PPP1R12C: variants seen among roughly 807,000 people sequenced by gnomAD.
PPP1R12C encodes protein phosphatase 1 regulatory subunit 12C.
In PPP1R12C, 48 loss-of-function variants were observed where a neutral mutation model predicts 95.6. The observed-to-expected ratio is 0.50, with a 90% CI of 0.40 to 0.64. The LOEUF (loss-of-function observed/expected upper bound fraction) is 0.64, where lower values mean the gene tolerates loss of function less well. PPP1R12C is among the 30% of genes least tolerant of loss of function. The pLI, the probability that PPP1R12C is intolerant of heterozygous loss-of-function variation, is 0.00. For missense variants in PPP1R12C, 1,057 were observed against 1,083.3 expected, an observed-to-expected ratio of 0.98 and a Z score of 0.34; for synonymous variants, 480 against 460.8, an observed-to-expected ratio of 1.04 and a Z score of -0.53.
At chr19:55,110,803 G>A (rs1244918842) in intron 3 of PPP1R12C, among the ~76,000 whole-genome samples, 5 of 151,768 alleles carry the variant, frequency 3.3e-5, no homozygotes, top group Non-Finnish European at 2.9e-5. Context: ...CCCAGGAGGT[G>A]GAGGTTGCAG....
chr19:55,116,256 A>C (rs2147218287), intron 1 of PPP1R12C, among the ~76,000 whole-genome samples: 2 of 152,294 alleles, frequency 1.3e-5, no homozygotes, highest in South Asian at 2.1e-4. Context: ...CAGAAGGAGA[A>C]GGAAAAGGGA....
At chr19:55,116,312 T>C (rs953400869) in intron 1 of PPP1R12C, among the ~76,000 whole-genome samples, 13 of 149,158 alleles carry the variant, frequency 8.7e-5, no homozygotes, top group African/African-American at 3.2e-4. Context: ...GGAGGAGAGA[T>C]GCCCGGAGAG....
In PPP1R12C at chr19:55,112,810, C is replaced by T; in HGVS notation, c.322-15G>A. The T allele has an allele frequency of 6.2e-7, 1 of 1,610,582 alleles. No individual in the cohort carries two copies. The highest frequency in any genetic ancestry group is 1.1e-5 in the South Asian group (1 of 91,062). On this transcript the variant is annotated splice_polypyrimidine_tract_variant and intron_variant, in intron 1 of 21. Transcript: ENST00000263433. Reference sequence around the variant, plus strand: ...TCAATGCAGGCCTGGGGGTGGGAAACAGCCGTCAGCCGCACCTACCCCAGC... The same window carrying T: ...TCAATGCAGGCCTGGGGGTGGGAAATAGCCGTCAGCCGCACCTACCCCAGC...
rs1265868634 is a variant in PPP1R12C, at chr19:55,097,615, C to T, written c.951+1169G>A. ...AGTTCACCACCGTCTTCGCCCCTTC[C>T]CCGCGCAGTTCACCACCGTCTTCAC... On this transcript the variant is annotated intron_variant, in intron 6 of 21. Transcript: ENST00000263433. Among the ~76,000 whole-genome samples, 18 of 74,478 alleles carry T rather than the reference C, an allele frequency of 2.4e-4. 1 individual carries two copies. Among genetic ancestry groups the T allele is most frequent in the African/African-American group, 7.7e-4 (15 of 19,360 alleles). 48.9% of individuals were successfully genotyped at this position (74,478 alleles called of 152,430 possible). A position where few individuals can be genotyped will look rare whatever the true frequency, so the allele number is the denominator to read the frequency against.
At chr19:55,105,968 G>T (rs966678288) in intron 3 of PPP1R12C, among the ~76,000 whole-genome samples, 21 of 151,134 alleles carry the variant, frequency 1.4e-4, no homozygotes, top group Non-Finnish European at 2.9e-4. Flanking sequence ...TCACTTCTCA[G>T]ACCTCCCTCT....
At chr19:55,113,611 G>T in intron 1 of PPP1R12C, 1 of 1,284,496 alleles carries the variant, frequency 7.8e-7, no homozygotes, top group Non-Finnish European at 9.9e-7. Context: ...TGGAGCTGAG[G>T]AAGGAGTGAA....
Position 55,117,344 on chromosome 19 carries a change from G to T in PPP1R12C, c.200C>A (p.Ala67Glu). Reference sequence around the variant, plus strand: ...GTCGGCGGCGCGCAGCATCAGACGCGCCTCGTCCAGGTCGCCGCCCGCACA... The same window carrying T: ...GTCGGCGGCGCGCAGCATCAGACGCTCCTCGTCCAGGTCGCCGCCCGCACA... ...AACAGGDLDEARLMLRAADPG... is the reference protein window; with the variant it reads ...AACAGGDLDEERLMLRAADPG... The change falls in exon 1 of 22, where the codon GCG becomes GAG. Residue 67 changes from alanine to glutamate, a missense_variant. Ala to Glu is a moderately radical substitution (Grantham distance 107, BLOSUM62 -1). This residue lies in a region of PPP1R12C where 282 missense variants were observed against 380.4 expected (regional missense o/e 0.74). Coordinates refer to ENST00000263433, the MANE Select transcript of PPP1R12C (RefSeq NM_017607.4). The T allele has an allele frequency of 8.7e-7, 1 of 1,150,976 alleles. No individual in the cohort carries two copies. The highest frequency in any genetic ancestry group is 1.1e-6 in the Non-Finnish European group (1 of 937,244). The allele number at this position is 1,150,976 out of a possible 1,614,324, so 71.3% of individuals were successfully genotyped here. A position where few individuals can be genotyped will look rare whatever the true frequency, so the allele number is the denominator to read the frequency against.
In PPP1R12C at chr19:55,095,555, C is replaced by G. The variant is rs2084901195; in HGVS notation, c.1276G>C (p.Gly426Arg). ...FSRRFGLLKTGSSGALGPPER... is the reference protein window; with the variant it reads ...FSRRFGLLKTRSSGALGPPER... The stretch of plus-strand genomic sequence containing the variant: ...GGGGGACCCAGGGCACCAGAACTCC[C>G]TGTCTTCAGGAGGCCAAAGCGCCTG... Residue 426 changes from glycine (G) to arginine (R), a missense_variant, in exon 10 of 22, where the codon GGG (glycine) becomes CGG (arginine). Transcript: ENST00000263433. 1 of 1,593,370 alleles carries G rather than the reference C, an allele frequency of 6.3e-7. No homozygotes were observed. The highest frequency in any genetic ancestry group is 1.8e-5 in the Admixed American group (1 of 56,352).
Position 55,096,087 on chromosome 19 carries a change from T to C in PPP1R12C, c.1117A>G (p.Ile373Val). The C allele has an allele frequency of 6.2e-7, 1 of 1,604,430 alleles. No individual in the cohort carries two copies. Among genetic ancestry groups the C allele is most frequent in the South Asian group, 1.1e-5 (1 of 90,080 alleles). Reference protein sequence around the residue: ...RRPGGAGGPPIQDEDEGEEGP... With the variant: ...RRPGGAGGPPVQDEDEGEEGP... ...TCTTCCCCCTCATCCTCGTCCTGGATGGGGGGCCCCCCAGCCCCACCAGGC... is the reference window on the plus strand; with the variant it reads ...TCTTCCCCCTCATCCTCGTCCTGGACGGGGGGCCCCCCAGCCCCACCAGGC... The change falls in exon 8 of 22, where the codon ATC becomes GTC. Residue 373 changes from isoleucine to valine, a missense_variant. By Grantham distance (29) the Ile-to-Val change is conservative (BLOSUM62 3). Transcript: ENST00000263433.
chr19:55,113,804 C>T, intron 1 of PPP1R12C: 1 of 255,538 alleles, frequency 3.9e-6, no homozygotes, highest in East Asian at 7.2e-5. Context: ...TATTTCCACC[C>T]AGTTGTCATG....
At chr19:55,098,255 A>G (rs1157276351) in intron 6 of PPP1R12C, among the ~76,000 whole-genome samples, 1 of 152,170 alleles carries the variant, frequency 6.6e-6, no homozygotes, top group Non-Finnish European at 1.5e-5. Flanking sequence ...TTCCCATTTG[A>G]CAGATAAGGA....
At chr19:55,098,731 G>A (rs2084949584) in intron 6 of PPP1R12C, 53 bp downstream of exon 6, 1 of 1,603,274 alleles carries the variant, frequency 6.2e-7, no homozygotes, top group East Asian at 2.2e-5. Context: ...CTCCTCTGAG[G>A]AGCTGAGGGG....
At chr19:55,092,045 C>A in intron 19 of PPP1R12C, 136 bp from the exon 20 acceptor site, 1 of 1,213,418 alleles carries the variant, frequency 8.2e-7, no homozygotes, top group Non-Finnish European at 1.2e-6. Context: ...GGCCCCGCCA[C>A]CGGCAGGCCC....
Position 55,096,091 on chromosome 19 carries a change from G to A in PPP1R12C, c.1113C>T (p.Pro371=), listed in dbSNP as rs751120875. The A allele has an allele frequency of 5.0e-6, 8 of 1,603,372 alleles. No individual in the cohort carries two copies. The South Asian group carries it at 5.6e-5, about 11-fold the overall frequency. The change falls in exon 8 of 22, where the codon CCC becomes CCT. Residue 371 remains proline (P), a synonymous_variant. Transcript: ENST00000263433. ...CCCCCTCATCCTCGTCCTGGATGGG[G>A]GGCCCCCCAGCCCCACCAGGCCGGC... ...KERRPGGAGG[P]PIQDEDEGEE...
At chr19:55,098,745 T>C (rs2084949746) in intron 6 of PPP1R12C, 39 bp downstream of exon 6, 7 of 1,609,666 alleles carry the variant, frequency 4.3e-6, no homozygotes, top group East Asian at 2.2e-5. Flanking sequence ...TGAGGGGACA[T>C]GGGGAGTCTG....
chr19:55,108,264 T>G (rs891591373), intron 3 of PPP1R12C, among the ~76,000 whole-genome samples: 3 of 151,972 alleles, frequency 2.0e-5, no homozygotes, highest in Non-Finnish European at 2.9e-5. Context: ...CCCAATTCAG[T>G]GGCATTAAGT....
In PPP1R12C at chr19:55,094,694, G is replaced by A. The variant is rs764318597; in HGVS notation, c.1559C>T (p.Thr520Met). The change falls in exon 12 of 22, where the codon ACG (threonine) becomes ATG (methionine). Residue 520 changes from threonine to methionine, a missense_variant. This residue lies in a region of PPP1R12C where 356 missense variants were observed against 330.5 expected (regional missense o/e 1.08). Transcript: ENST00000263433. ...GTCCCGGGAGTCCGCTGGGGGCGCC[G>A]TGGAGGCTGTGGGGACGTTTGGCTT... ...PAKPNVPTAS[T>M]APPADSRDRR... 6.2e-7 allele frequency: 1 copy of A among 1,607,484 alleles called. No individual in the cohort carries two copies. Among genetic ancestry groups the A allele is most frequent in the Non-Finnish European group, 8.5e-7 (1 of 1,178,300 alleles).
intron 4 of PPP1R12C, among the ~76,000 whole-genome samples, chr19:55,099,859 A>G (rs1468138583): frequency 2.0e-5 from 3 of 152,234 alleles, no homozygotes; most frequent in Non-Finnish European, 4.4e-5. Context: ...TAACGGTAGG[A>G]CGTGTCTATT....
Position 55,117,627 on chromosome 19 carries a change from C to G in PPP1R12C, c.-84G>C. On this transcript the variant is annotated 5_prime_UTR_variant, in exon 1 of 22. Coordinates refer to ENST00000263433, the MANE Select transcript of PPP1R12C (RefSeq NM_017607.4). Reference sequence around the variant, plus strand: ...CCGCCCGCCCGCCCGCCCCGGGGGCCGCCGGGAACTGCCGCTGGCCCCCCA... The same window carrying G: ...CCGCCCGCCCGCCCGCCCCGGGGGCGGCCGGGAACTGCCGCTGGCCCCCCA... 2.3e-6 allele frequency: 2 copies of G among 856,036 alleles called. No individual in the cohort carries two copies. The highest frequency in any genetic ancestry group is 2.8e-6 in the Non-Finnish European group (2 of 720,320). The allele number at this position is 856,036 out of a possible 1,614,324, so 53.0% of individuals were successfully genotyped here.
Sources: gnomAD v4.1 joint callset for allele counts (sites outside exome capture counted in the v4.1 genomes callset) on GRCh38, gnomAD v4.1.1 for gene constraint, gnomAD v4.1.1 regional missense constraint, MANE v1.5 for transcripts, NCBI Gene and HGNC (gene_info 2026-07-23, HGNC 2026-07-21) for gene names.